GLRB: variants seen among roughly 807,000 people sequenced by gnomAD.
GLRB encodes glycine receptor subunit beta.
In GLRB, 33 loss-of-function variants were observed where a neutral mutation model predicts 54.2. That is an observed-to-expected ratio of 0.61 (90% confidence interval 0.46 to 0.81). The LOEUF (loss-of-function observed/expected upper bound fraction) is 0.81, where lower values mean the gene tolerates loss of function less well. Ranked by LOEUF, GLRB falls within the 40% of genes least tolerant of loss-of-function variation. GLRB has a pLI of 0.00. For synonymous variants in GLRB, 209 were observed against 208.2 expected (o/e 1.00, Z -0.03); for missense variants, 572 against 584.6 (o/e 0.98, Z 0.22).
intron 2 of GLRB, among the ~76,000 whole-genome samples, chr4:157,086,651 TC>T (rs1192832999): frequency 2.0e-5 from 3 of 152,178 alleles, no homozygotes; most frequent in Admixed American, 2.0e-4. Context: ...TTTGTATGAC[TC>T]CAAGTTATCG....
chr4:157,146,833 G>A (rs759753284), intron 8 of GLRB, among the ~76,000 whole-genome samples: 61 of 149,272 alleles, frequency 4.1e-4, no homozygotes, highest in Non-Finnish European at 7.3e-4. Flanking sequence ...ACCTCCCCCC[G>A]CAAAAAAAAA....
intron 7 of GLRB, among the ~76,000 whole-genome samples, chr4:157,140,712 G>A (rs7687229): frequency 0.086 from 13,057 of 151,836 alleles, 1,534 homozygotes; most frequent in African/African-American, 0.27. Context: ...ACTGTTATAC[G>A]ATTAATACCT....
chr4:157,122,356 A>AT lies in GLRB; in HGVS notation c.261dup (p.Ile88TyrfsTer2). 7.7e-7 allele frequency: 1 copy of AT among 1,305,404 alleles called. No individual in the cohort carries two copies. The highest frequency in any genetic ancestry group is 1.1e-6 in the Non-Finnish European group (1 of 910,748). 80.9% of individuals were successfully genotyped at this position (1,305,404 alleles called of 1,614,324 possible). A position where few individuals can be genotyped will look rare whatever the true frequency, so the allele number is the denominator to read the frequency against. ...CATTCCTGTTGATGTAGTAGTCAAC[A>AT]TTTTTATTAACAGTTTTGGATCCAT... is the stretch of plus-strand genomic sequence containing the variant. On this transcript the variant is annotated frameshift_variant, in exon 4 of 10. Coordinates refer to ENST00000264428, the MANE Select transcript of GLRB (RefSeq NM_000824.5). LOFTEE classifies it high-confidence loss of function.
In GLRB at chr4:157,095,584, G is replaced by A. The variant is rs898309787; in HGVS notation, c.122+17438G>A. Among the ~76,000 whole-genome samples the A allele has an allele frequency of 3.3e-5, 5 of 152,148 alleles. No individual in the cohort carries two copies. The South Asian group carries it at 8.3e-4, about 25-fold the overall frequency. On this transcript the variant is annotated intron_variant, in intron 2 of 9. Transcript: ENST00000264428. ...CTTAGCTAGAAAAGTAAAGATATCT[G>A]AGAAGTGACTGGGAATGAGGTTGAA...
At chr4:157,091,047 T>A (rs562845018) in intron 2 of GLRB, among the ~76,000 whole-genome samples, 32 of 152,166 alleles carry the variant, frequency 2.1e-4, no homozygotes, top group Non-Finnish European at 4.3e-4. Flanking sequence ...TGAAAATGGC[T>A]TTTCATGGAA....
At chr4:157,142,680 T>C (rs1736660465) in intron 7 of GLRB, among the ~76,000 whole-genome samples, 1 of 152,138 alleles carries the variant, frequency 6.6e-6, no homozygotes, top group Non-Finnish European at 1.5e-5. Context: ...AACTGTAAAA[T>C]AGGAAAAAGT....
intron 2 of GLRB, among the ~76,000 whole-genome samples, chr4:157,102,819 T>C (rs1184021401): frequency 1.3e-5 from 2 of 152,160 alleles, no homozygotes; most frequent in African/African-American, 4.8e-5. Flanking sequence ...CATGTTCACC[T>C]TGGGGCGGAG....
At chr4:157,146,680 C>G (rs1003908755) in intron 8 of GLRB, among the ~76,000 whole-genome samples, 2 of 151,908 alleles carry the variant, frequency 1.3e-5, no homozygotes, top group Non-Finnish European at 2.9e-5. Flanking sequence ...ATTAGCCAGG[C>G]ATGGTGGTGG....
At chr4:157,162,919 G>T (rs1030253608) in intron 9 of GLRB, among the ~76,000 whole-genome samples, 40 of 152,124 alleles carry the variant, frequency 2.6e-4, no homozygotes, top group African/African-American at 9.2e-4. Flanking sequence ...TGTTCAACTA[G>T]GCCTGCCCCC....
chr4:157,094,817 A>T (rs1457898138), intron 2 of GLRB, among the ~76,000 whole-genome samples: 2 of 152,182 alleles, frequency 1.3e-5, no homozygotes, highest in Admixed American at 1.3e-4. Flanking sequence ...TAAAACTGAA[A>T]ATCCATATAC....
intron 2 of GLRB, among the ~76,000 whole-genome samples, chr4:157,111,880 TC>T (rs1331840083): frequency 1.3e-5 from 2 of 152,010 alleles, no homozygotes; most frequent in African/African-American, 4.8e-5. Context: ...TCAGTCCTCA[TC>T]TCAACCTCTC....
chr4:157,082,078 G>T (rs1324593319), intron 2 of GLRB, among the ~76,000 whole-genome samples: 1 of 151,984 alleles, frequency 6.6e-6, no homozygotes, highest in Admixed American at 6.6e-5. Flanking sequence ...GTGTCCATGG[G>T]TCTCATCCAA....
intron 4 of GLRB, among the ~76,000 whole-genome samples, chr4:157,134,966 G>A (rs746674679): frequency 6.4e-4 from 97 of 152,206 alleles, no homozygotes; most frequent in Non-Finnish European, 1.3e-3. Flanking sequence ...AGCATCAGGA[G>A]AGCATTTTGA....
At position 157,138,859 on chromosome 4, in the gene GLRB, G is replaced by T; in HGVS notation, c.661G>T (p.Val221Leu). The change falls in exon 7 of 10, where the codon GTG (valine) becomes TTG (leucine). Residue 221 changes from valine (V) to leucine (L), a missense_variant. Physicochemically the swap from Val to Leu is conservative, Grantham distance 32 (BLOSUM62 1). Coordinates refer to ENST00000264428, the MANE Select transcript of GLRB (RefSeq NM_000824.5). ...LRFIWQSGDP[V>L]QLEKIALPQF... Reference sequence around the variant, plus strand: ...ATTTATCTGGCAGTCAGGAGATCCTGTGCAATTAGAAAAAATTGCCTTGCC... The same window carrying T: ...ATTTATCTGGCAGTCAGGAGATCCTTTGCAATTAGAAAAAATTGCCTTGCC... 6.4e-7 allele frequency: 1 copy of T among 1,561,770 alleles called. No individual in the cohort carries two copies. The highest frequency in any genetic ancestry group is 8.8e-7 in the Non-Finnish European group (1 of 1,133,240).
chr4:157,150,776 C>T (rs1736994071), intron 8 of GLRB, among the ~76,000 whole-genome samples: 1 of 151,892 alleles, frequency 6.6e-6, no homozygotes, highest in African/African-American at 2.4e-5. Context: ...TCAATTTTTT[C>T]CTTCTTCCTT....
Position 157,131,250 on chromosome 4 carries a change from T to C in GLRB, c.298-5219T>C, listed in dbSNP as rs535502134. On this transcript the variant is annotated intron_variant, in intron 4 of 9. Transcript: ENST00000264428. ...TTATCTTAAAACTTGGGATGTTTTTTCTTAACCTTGTATTTCTTGACTTTG... is the reference window on the plus strand; with the variant it reads ...TTATCTTAAAACTTGGGATGTTTTTCCTTAACCTTGTATTTCTTGACTTTG... 3.3e-5 allele frequency among the ~76,000 whole-genome samples: 5 copies of C among 151,872 alleles called. No individual in the cohort carries two copies. The South Asian group carries it at 1.0e-3, about 31-fold the overall frequency.
At chr4:157,085,284 A>T (rs1252571069) in intron 2 of GLRB, among the ~76,000 whole-genome samples, 1 of 152,052 alleles carries the variant, frequency 6.6e-6, no homozygotes, top group Non-Finnish European at 1.5e-5. Flanking sequence ...TCTGTCATCC[A>T]GGCTGGAGTG....
At chr4:157,104,667 A>T (rs1025207901) in intron 2 of GLRB, among the ~76,000 whole-genome samples, 1 of 152,014 alleles carries the variant, frequency 6.6e-6, no homozygotes, top group Admixed American at 6.6e-5. Context: ...TGAATTTGCC[A>T]GTGAAACCAT....
chr4:157,123,571 A>G (rs1184038662), intron 4 of GLRB, among the ~76,000 whole-genome samples: 1 of 151,836 alleles, frequency 6.6e-6, no homozygotes, highest in Non-Finnish European at 1.5e-5. Flanking sequence ...TTTTTACATC[A>G]TTTAAATAAC....
Sources: gnomAD v4.1 joint callset for allele counts (sites outside exome capture counted in the v4.1 genomes callset) on GRCh38, gnomAD v4.1.1 for gene constraint, MANE v1.5 for transcripts, NCBI Gene and HGNC (gene_info 2026-07-23, HGNC 2026-07-21) for gene names.